The following GMFG variants were observed in gnomAD, a reference collection of about 807,000 sequenced individuals.
The protein encoded by GMFG is glia maturation factor gamma.
GMFG carries 21 observed loss-of-function variants against 26.1 expected under a neutral mutation model. The observed-to-expected ratio is 0.80, with a 90% CI of 0.57 to 1.16. The LOEUF (loss-of-function observed/expected upper bound fraction) is 1.16. Ranked by LOEUF, GMFG falls within the 50% of genes most tolerant of loss-of-function variation. The pLI, the probability that GMFG is intolerant of heterozygous loss-of-function variation, is 0.00. For missense variants in GMFG, 161 were observed against 178.3 expected, an observed-to-expected ratio of 0.90 and a Z score of 0.55; for synonymous variants, 65 against 60.8, an observed-to-expected ratio of 1.07 and a Z score of -0.32.
Position 39,328,874 on chromosome 19 carries a change from T to C in GMFG, c.357+126A>G, listed in dbSNP as rs1248889139. ...GCCTGGATGACAGAGCGAGACCCAG[T>C]TCTTTAAAAAAACAAAAACAAAAAC... is the stretch of plus-strand genomic sequence containing the variant. On this transcript the variant is annotated intron_variant, in intron 6 of 6. Transcript: ENST00000597595. 1.1e-5 allele frequency: 8 copies of C among 756,050 alleles called. No individual in the cohort carries two copies. In the East Asian group the frequency reaches 1.8e-4, roughly 17 times the overall value. The allele number at this position is 756,050 out of a possible 1,614,324, so 46.8% of individuals were successfully genotyped here. A position where few individuals can be genotyped will look rare whatever the true frequency, so the allele number is the denominator to read the frequency against.
In GMFG at chr19:39,336,014, C is replaced by T. The variant is rs1467875832; in HGVS notation, c.-38G>A. 9 of 1,592,604 alleles carry T rather than the reference C, an allele frequency of 5.7e-6. No individual in the cohort carries two copies. Among genetic ancestry groups the T allele is most frequent in the South Asian group, 2.2e-5 (2 of 90,576 alleles). On this transcript the variant is annotated 5_prime_UTR_variant, in exon 1 of 7. Coordinates refer to ENST00000597595, the MANE Select transcript of GMFG (RefSeq NM_004877.4). Reference sequence around the variant, plus strand: ...CACAGGCCTCTTCTTTTCTTAGTTCCGCTGTCTTCTAGGCGTGGGGACCGG... The same window carrying T: ...CACAGGCCTCTTCTTTTCTTAGTTCTGCTGTCTTCTAGGCGTGGGGACCGG...
rs562178139 is a variant in GMFG, at chr19:39,331,780, A to T, written c.200+1297T>A. 8.5e-4 allele frequency among the ~76,000 whole-genome samples: 129 copies of T among 152,210 alleles called. 1 individual carries two copies. The highest frequency in any genetic ancestry group is 1.6e-3 in the Non-Finnish European group (112 of 67,996). On this transcript the variant is annotated intron_variant, in intron 4 of 6. Transcript: ENST00000597595. ...ACACAGTGAGACCCTGTCTCTAAAA[A>T]TTTTTTTAATAAAATAACAATAATA...
At chr19:39,335,920 G>T in intron 1 of GMFG, 54 bp downstream of exon 1, 1 of 1,273,012 alleles carries the variant, frequency 7.9e-7, no homozygotes, top group Non-Finnish European at 1.1e-6. Flanking sequence ...TGTCCTCCAA[G>T]CCCCAGCCCC....
rs1234066930 is a variant in GMFG, at chr19:39,335,454, T to C, written c.81A>G (p.Thr27=). 6.2e-7 allele frequency: 1 copy of C among 1,613,316 alleles called. No individual in the cohort carries two copies. Among genetic ancestry groups the C allele is most frequent in the Admixed American group, 1.7e-5 (1 of 60,020 alleles). Reference sequence around the variant, plus strand: ...ACTCACTTATGATGGCTGCATTGTCTGTCTCTTTTCGGAAGCGGAATTTCC... The same window carrying C: ...ACTCACTTATGATGGCTGCATTGTCCGTCTCTTTTCGGAAGCGGAATTTCC... ...KLRKFRFRKE[T]DNAAIIMKVD... The change falls in exon 2 of 7, where the codon ACA becomes ACG. Residue 27 remains threonine, a synonymous_variant. Coordinates refer to ENST00000597595, the MANE Select transcript of GMFG (RefSeq NM_004877.4).
intron 4 of GMFG, among the ~76,000 whole-genome samples, chr19:39,330,450 A>G (rs1156967971): frequency 6.6e-6 from 1 of 151,964 alleles, no homozygotes; most frequent in Non-Finnish European, 1.5e-5. Flanking sequence ...GTTATTAGAG[A>G]CAGGGCCTCA....
intron 3 of GMFG, among the ~76,000 whole-genome samples, chr19:39,333,373 G>A (rs2075235009): frequency 6.6e-6 from 1 of 152,052 alleles, no homozygotes; most frequent in Admixed American, 6.6e-5. Flanking sequence ...TTGAATCCGG[G>A]ATGCAGAGGT....
chr19:39,332,244 C>T (rs1035064265), intron 4 of GMFG, among the ~76,000 whole-genome samples: 4 of 151,412 alleles, frequency 2.6e-5, no homozygotes, highest in South Asian at 2.1e-4. Context: ...GCCAGAGAAT[C>T]GCTTGAACCC....
intron 3 of GMFG, among the ~76,000 whole-genome samples, chr19:39,334,725 C>G (rs1038608960): frequency 2.6e-5 from 4 of 152,116 alleles, no homozygotes; most frequent in Non-Finnish European, 4.4e-5. Flanking sequence ...TAAAAACAAG[C>G]CTATGAGATA....
chr19:39,328,609 C>T, intron 6 of GMFG, 61 bp from the exon 7 acceptor site: 1 of 1,263,942 alleles, frequency 7.9e-7, no homozygotes, highest in Non-Finnish European at 1.2e-6. Context: ...TGGCTGGGCA[C>T]GGTGGCTCAC....
chr19:39,331,964 C>T (rs1248958833), intron 4 of GMFG, among the ~76,000 whole-genome samples: 2 of 151,878 alleles, frequency 1.3e-5, no homozygotes, highest in African/African-American at 4.8e-5. Context: ...CTGAACTCAA[C>T]TGACCCCCGA....
intron 4 of GMFG, 71 bp downstream of exon 4, chr19:39,333,006 C>A: frequency 9.7e-7 from 1 of 1,030,190 alleles, no homozygotes; most frequent in South Asian, 1.3e-5. Context: ...CTCCAGCAGT[C>A]CCTTAGCCTA....
chr19:39,329,759 T>C (rs1272165594), intron 4 of GMFG, 133 bp from the exon 5 acceptor site: 2 of 679,112 alleles, frequency 2.9e-6, no homozygotes, highest in South Asian at 1.6e-5. Context: ...CTCAGGGTAC[T>C]GACCTCAAAC....
At chr19:39,331,605 A>T (rs928102186) in intron 4 of GMFG, among the ~76,000 whole-genome samples, 8 of 152,138 alleles carry the variant, frequency 5.3e-5, no homozygotes, top group African/African-American at 1.9e-4. Flanking sequence ...TCTACCTGAT[A>T]GTTAAAAGTC....
Position 39,335,496 on chromosome 19 carries a change from C to T in GMFG, c.39G>A (p.Glu13=), listed in dbSNP as rs2075245716. ...GGAATTTCCTCAGCTTTTCTGTTAGCTCTGGGTCTACCTCGCACACCACCA... is the reference window on the plus strand; with the variant it reads ...GGAATTTCCTCAGCTTTTCTGTTAGTTCTGGGTCTACCTCGCACACCACCA... ...DSLVVCEVDP[E]LTEKLRKFRF... The change falls in exon 2 of 7, where the codon GAG becomes GAA. Residue 13 remains glutamate, a synonymous_variant. Coordinates refer to ENST00000597595, the MANE Select transcript of GMFG (RefSeq NM_004877.4). The T allele has an allele frequency of 6.2e-7, 1 of 1,613,898 alleles. No individual in the cohort carries two copies. The highest frequency in any genetic ancestry group is 8.5e-7 in the Non-Finnish European group (1 of 1,179,864).
rs2075233737 is a variant in GMFG at position 39,333,098 on chromosome 19, T to A, written c.179A>T (p.Glu60Val). ...QNISPEELKM[E>V]LPERQPRFVV... ...ATACCTGGGCTGTCTCTCCGGCAAC[T>A]CCATTTTGAGCTCCTCTGGGGAAAT... Residue 60 changes from glutamate to valine, a missense_variant, in exon 4 of 7, where the codon GAG becomes GTG. Physicochemically the swap from Glu to Val is moderately radical, Grantham distance 121 (BLOSUM62 -2). Coordinates refer to ENST00000597595, the MANE Select transcript of GMFG (RefSeq NM_004877.4). The A allele has an allele frequency of 1.9e-6, 3 of 1,600,714 alleles. No individual in the cohort carries two copies. The Admixed American group carries it at 5.1e-5, about 27-fold the overall frequency.
intron 4 of GMFG, among the ~76,000 whole-genome samples, chr19:39,330,701 A>G (rs190190846): frequency 6.6e-6 from 1 of 150,658 alleles, no homozygotes; most frequent in African/African-American, 2.5e-5. Flanking sequence ...GGTTCAGGTG[A>G]TCCTCCTGCC....
At chr19:39,333,908 C>T (rs972433144) in intron 3 of GMFG, among the ~76,000 whole-genome samples, 5 of 151,664 alleles carry the variant, frequency 3.3e-5, no homozygotes, top group East Asian at 1.9e-4. Context: ...AAATCCTTAT[C>T]GCAACACTAG....
chr19:39,329,134 T>G, intron 5 of GMFG, 61 bp from the exon 6 acceptor site: 36 of 1,177,862 alleles, frequency 3.1e-5, no homozygotes, highest in Non-Finnish European at 4.3e-5. Context: ...TCTAAAGCTC[T>G]AGTAATGTCC....
chr19:39,328,894 A>G (rs753300446), intron 6 of GMFG, 106 bp downstream of exon 6: 4 of 881,252 alleles, frequency 4.5e-6, no homozygotes, highest in Middle Eastern at 4.4e-4. Flanking sequence ...AAACAAAAAC[A>G]AAAACAAAAA....
Sources: gnomAD v4.1 joint callset for allele counts (sites outside exome capture counted in the v4.1 genomes callset) on GRCh38, gnomAD v4.1.1 for gene constraint, MANE v1.5 for transcripts, NCBI Gene and HGNC (gene_info 2026-07-23, HGNC 2026-07-21) for gene names.